The following HCN1 variants were observed in gnomAD, a reference collection of about 807,000 sequenced individuals.
HCN1 encodes potassium/sodium hyperpolarization-activated cyclic nucleotide-gated channel 1.
A neutral mutation model predicts 78.9 loss-of-function variants in HCN1; 13 were observed. That is an observed-to-expected ratio of 0.16 (90% confidence interval 0.11 to 0.26). The LOEUF (loss-of-function observed/expected upper bound fraction) is 0.26. Ranked by LOEUF, HCN1 falls within the 10% of genes least tolerant of loss-of-function variation. The probability of loss-of-function intolerance (pLI) is 1.00; values close to 1 mark genes in which losing one functional copy is unlikely to be tolerated. For missense variants in HCN1, 810 were observed against 1,154.3 expected (o/e 0.70, Z 4.32); for synonymous variants, 552 against 455.5 (o/e 1.21, Z -2.70).
chr5:45,611,760 TA>T (rs1219938498), intron 2 of HCN1, among the ~76,000 whole-genome samples: 1 of 152,122 alleles, frequency 6.6e-6, no homozygotes, highest in Non-Finnish European at 1.5e-5. Context: ...CTAGGAAGAC[TA>T]TCTTTGCTAA....
At chr5:45,360,956 T>C (rs934764101) in intron 4 of HCN1, among the ~76,000 whole-genome samples, 1 of 152,156 alleles carries the variant, frequency 6.6e-6, no homozygotes, top group Non-Finnish European at 1.5e-5. Context: ...TCTCAAGATA[T>C]GCAAAAGCTT....
chr5:45,303,507 C>T (rs757091229), intron 6 of HCN1, 92 bp downstream of exon 6: 12 of 1,386,836 alleles, frequency 8.7e-6, no homozygotes, highest in South Asian at 1.2e-5. Context: ...CATTCAAAAC[C>T]AAAAAACTGA....
At chr5:45,417,850 C>G (rs921074369) in intron 3 of HCN1, among the ~76,000 whole-genome samples, 16 of 147,600 alleles carry the variant, frequency 1.1e-4, no homozygotes, top group Admixed American at 4.1e-4. Flanking sequence ...AGAAAAGAAA[C>G]CAAAGGCTAG....
At chr5:45,380,253 C>A (rs777745750) in intron 4 of HCN1, among the ~76,000 whole-genome samples, 1 of 151,954 alleles carries the variant, frequency 6.6e-6, no homozygotes, top group African/African-American at 2.4e-5. Flanking sequence ...GCAAAAAGGC[C>A]AGGCAGCTCT....
chr5:45,379,190 T>A (rs1197591843), intron 4 of HCN1, among the ~76,000 whole-genome samples: 3 of 152,140 alleles, frequency 2.0e-5, no homozygotes, highest in Non-Finnish European at 4.4e-5. Context: ...GCTTGAGGAA[T>A]CGCCACACTG....
chr5:45,511,635 G>C (rs1239027285), intron 2 of HCN1, among the ~76,000 whole-genome samples: 1 of 151,948 alleles, frequency 6.6e-6, no homozygotes, highest in Non-Finnish European at 1.5e-5. Flanking sequence ...TTATATAACA[G>C]CTTCTTCAAA....
chr5:45,342,023 A>T (rs1046015372), intron 5 of HCN1, among the ~76,000 whole-genome samples: 2 of 152,108 alleles, frequency 1.3e-5, no homozygotes, highest in African/African-American at 4.8e-5. Flanking sequence ...TTCTTCAGTG[A>T]ATAATGTGAA....
chr5:45,437,464 T>C lies in HCN1; in HGVS notation c.1011+24382A>G, dbSNP rs545626594. ...CAAATAACCGCTAATTATAAATGTA[T>C]AGTATTTGAATAAAGTGATTTTATT... On this transcript the variant is annotated intron_variant, in intron 3 of 7. Transcript: ENST00000303230. 1.1e-4 allele frequency among the ~76,000 whole-genome samples: 17 copies of C among 152,352 alleles called. No homozygotes were observed. In the East Asian group the frequency reaches 3.3e-3, roughly 29 times the overall value.
chr5:45,660,046 G>A (rs1561235868), intron 1 of HCN1, among the ~76,000 whole-genome samples: 1 of 97,010 alleles, frequency 1.0e-5, no homozygotes, highest in Non-Finnish European at 2.1e-5. Context: ...GTTAAGGGCA[G>A]CAGAGAGAAA....
chr5:45,325,223 A>AT (rs1415722391), intron 5 of HCN1, among the ~76,000 whole-genome samples: 1 of 151,612 alleles, frequency 6.6e-6, no homozygotes, highest in African/African-American at 2.4e-5. Flanking sequence ...CATTTATGGT[A>AT]TTTTTTCTAA....
At chr5:45,681,701 T>G (rs1305646829) in intron 1 of HCN1, among the ~76,000 whole-genome samples, 1 of 152,140 alleles carries the variant, frequency 6.6e-6, no homozygotes, top group Non-Finnish European at 1.5e-5. Flanking sequence ...GGTGCACTGT[T>G]AAATCAAATA....
At chr5:45,303,868 A>G (rs376300196) in intron 5 of HCN1, 29 bp from the exon 6 acceptor site, 13 of 1,589,792 alleles carry the variant, frequency 8.2e-6, no homozygotes, top group Non-Finnish European at 1.1e-5. Context: ...AACAAATATT[A>G]AGAGAGATAT....
intron 5 of HCN1, among the ~76,000 whole-genome samples, chr5:45,348,906 T>A (rs1196861796): frequency 6.6e-6 from 1 of 152,046 alleles, no homozygotes; most frequent in Non-Finnish European, 1.5e-5. Context: ...AGACTTAGAC[T>A]CCCACACAAT....
intron 4 of HCN1, among the ~76,000 whole-genome samples, chr5:45,373,355 T>G (rs1281011440): frequency 2.5e-5 from 3 of 118,652 alleles, no homozygotes; most frequent in South Asian, 2.4e-4. Context: ...AAATATATAT[T>G]TATAAATATA....
In HCN1 at chr5:45,554,126, G is replaced by T. The variant is rs79264873; in HGVS notation, c.849+91059C>A. Among the ~76,000 whole-genome samples, 76 of 151,914 alleles carry T rather than the reference G, an allele frequency of 5.0e-4. No homozygotes were observed. In the East Asian group the frequency reaches 0.011, roughly 23 times the overall value. On this transcript the variant is annotated intron_variant, in intron 2 of 7. Coordinates refer to ENST00000303230, the MANE Select transcript of HCN1 (RefSeq NM_021072.4). Reference sequence around the variant, plus strand: ...GATAGTTCATTGCAGAGTCCAGATAGGCCAAAATGAAGTTCTAAATTTTGA... The same window carrying T: ...GATAGTTCATTGCAGAGTCCAGATATGCCAAAATGAAGTTCTAAATTTTGA...
chr5:45,508,928 C>T lies in HCN1; in HGVS notation c.850-46921G>A, dbSNP rs192999950. Among the ~76,000 whole-genome samples the T allele has an allele frequency of 2.8e-3, 420 of 152,116 alleles. 1 individual carries two copies. Among genetic ancestry groups the T allele is most frequent in the Middle Eastern group, 0.01 (3 of 294 alleles). On this transcript the variant is annotated intron_variant, in intron 2 of 7. Transcript: ENST00000303230. ...AATGGTTTTCATCATCATTTTTATT[C>T]GCCATAATTCAATTTATCCTACTAT...
intron 5 of HCN1, among the ~76,000 whole-genome samples, chr5:45,328,917 GT>G (rs1317937251): frequency 4.6e-5 from 7 of 151,574 alleles, no homozygotes; most frequent in Admixed American, 4.0e-4. Context: ...GACCTTCTGA[GT>G]TTTTCAGTTT....
chr5:45,456,443 A>G (rs1741031516), intron 3 of HCN1, among the ~76,000 whole-genome samples: 1 of 152,024 alleles, frequency 6.6e-6, no homozygotes, highest in Admixed American at 6.6e-5. Context: ...AGATACATGA[A>G]AGACCAATTG....
chr5:45,346,752 T>C (rs1322175460), intron 5 of HCN1, among the ~76,000 whole-genome samples: 3 of 152,178 alleles, frequency 2.0e-5, no homozygotes, highest in Non-Finnish European at 4.4e-5. Context: ...CCATGGAGTC[T>C]CACTGATTGC....
Sources: gnomAD v4.1 joint callset for allele counts (sites outside exome capture counted in the v4.1 genomes callset) on GRCh38, gnomAD v4.1.1 for gene constraint, MANE v1.5 for transcripts, NCBI Gene and HGNC (gene_info 2026-07-23, HGNC 2026-07-21) for gene names.